Variants in CPSF2 observed in about 807,000 individuals in gnomAD.
The protein encoded by CPSF2 is cleavage and polyadenylation specific factor 2, also known as cleavage and polyadenylation specificity factor subunit 2.
Under a neutral mutation model 84.2 loss-of-function variants are expected in CPSF2, and 51 were observed. That is an observed-to-expected ratio of 0.61 (90% CI 0.48 to 0.77). The LOEUF (loss-of-function observed/expected upper bound fraction) is 0.77, where lower values mean the gene tolerates loss of function less well. Ranked by LOEUF, CPSF2 falls within the 30% of genes least tolerant of loss-of-function variation. The pLI, the probability that CPSF2 is intolerant of heterozygous loss-of-function variation, is 0.00. For synonymous variants in CPSF2, 286 were observed against 311.9 expected, an observed-to-expected ratio of 0.92 and a Z score of 0.87; for missense variants, 641 against 929.4, an observed-to-expected ratio of 0.69 and a Z score of 4.03.
chr14:92,170,087 G>C lies in CPSF2; in HGVS notation c.*8343G>C, dbSNP rs917537676. Reference sequence around the variant, plus strand: ...TTGAGGCTTCAGTGAGCTAATGATCGCGCCACTGCACTCCAGCCTGGGTGA... The same window carrying C: ...TTGAGGCTTCAGTGAGCTAATGATCCCGCCACTGCACTCCAGCCTGGGTGA... On this transcript the variant is annotated 3_prime_UTR_variant, in exon 16 of 16. Coordinates refer to ENST00000298875, the MANE Select transcript of CPSF2 (RefSeq NM_017437.3). 1 of 152,056 alleles carries C rather than the reference G, an allele frequency of 6.6e-6. No individual in the cohort carries two copies. The highest frequency in any genetic ancestry group is 2.4e-5 in the African/African-American group (1 of 41,416). The allele number at this position is 152,056 out of a possible 1,614,324, so 9.4% of individuals were successfully genotyped here.
chr14:92,136,816 G>A (rs955327770), intron 6 of CPSF2, among the ~76,000 whole-genome samples: 1 of 152,010 alleles, frequency 6.6e-6, no homozygotes, highest in Non-Finnish European at 1.5e-5. Context: ...CAACCATTTT[G>A]GAAAAAAATC....
chr14:92,128,811 T>C (rs1011690437), intron 2 of CPSF2, among the ~76,000 whole-genome samples: 1 of 152,136 alleles, frequency 6.6e-6, no homozygotes, highest in African/African-American at 2.4e-5. Context: ...ATTTTGAAAG[T>C]AGAACAGTTA....
rs538841154 is a variant in CPSF2, at chr14:92,165,433, A to T, written c.*3689A>T. 12 of 152,246 alleles carry T rather than the reference A, an allele frequency of 7.9e-5. No homozygotes were observed. The highest frequency in any genetic ancestry group is 2.9e-4 in the African/African-American group (12 of 41,566). The allele number at this position is 152,246 out of a possible 1,614,324, so 9.4% of individuals were successfully genotyped here. ...GTTCCATTTTCTCCTCATTCTTGAC[A>T]ACATTTATTACTCCCTTTTTAAATT... On this transcript the variant is annotated 3_prime_UTR_variant, in exon 16 of 16. Coordinates refer to ENST00000298875, the MANE Select transcript of CPSF2 (RefSeq NM_017437.3).
At chr14:92,131,645 C>T (rs2068932592) in intron 3 of CPSF2, among the ~76,000 whole-genome samples, 1 of 152,020 alleles carries the variant, frequency 6.6e-6, no homozygotes, top group Admixed American at 6.6e-5. Flanking sequence ...TCGAGACCAG[C>T]CTGGCCAACA....
At position 92,170,475 on chromosome 14, in the gene CPSF2, C is replaced by T. The variant is rs952585689; in HGVS notation, c.*8731C>T. The T allele has an allele frequency of 6.6e-6, 1 of 152,196 alleles. No individual in the cohort carries two copies. Among genetic ancestry groups the T allele is most frequent in the East Asian group, 1.9e-4 (1 of 5,200 alleles). The allele number at this position is 152,196 out of a possible 1,614,324, so 9.4% of individuals were successfully genotyped here. ...GGAAACCAGCATTGATAAAATTCTACCATTTGATCCACGAACCCCATTCAA... is the reference window on the plus strand; with the variant it reads ...GGAAACCAGCATTGATAAAATTCTATCATTTGATCCACGAACCCCATTCAA... On this transcript the variant is annotated 3_prime_UTR_variant, in exon 16 of 16. Transcript: ENST00000298875.
At chr14:92,144,183 T>C (rs1479368265) in intron 9 of CPSF2, among the ~76,000 whole-genome samples, 2 of 152,232 alleles carry the variant, frequency 1.3e-5, no homozygotes, top group Non-Finnish European at 2.9e-5. Context: ...TCATTCATCA[T>C]TTGACCCTGA....
intron 9 of CPSF2, among the ~76,000 whole-genome samples, chr14:92,153,064 A>C (rs1011115313): frequency 6.7e-6 from 1 of 150,302 alleles, no homozygotes; most frequent in Non-Finnish European, 1.5e-5. Flanking sequence ...TCAAATGTCA[A>C]ATTTTATTTT....
In CPSF2 at chr14:92,130,960, G is replaced by T; in HGVS notation, c.-25G>T. The T allele has an allele frequency of 5.0e-6, 8 of 1,602,322 alleles. No individual in the cohort carries two copies. The highest frequency in any genetic ancestry group is 3.3e-4 in the Middle Eastern group (2 of 6,030). ...TCATTTCATTTGAAAGACTCTTCTA[G>T]CTTGCTGTTTCTGGACCAAAAAAAA... On this transcript the variant is annotated 5_prime_UTR_variant, in exon 3 of 16. Transcript: ENST00000298875.
intron 9 of CPSF2, among the ~76,000 whole-genome samples, chr14:92,152,237 C>G (rs139202642): frequency 2.6e-5 from 4 of 152,154 alleles, no homozygotes; most frequent in African/African-American, 9.6e-5. Context: ...TCAAGTGATT[C>G]TCCTGCCTCA....
At chr14:92,150,306 G>A (rs2069197725) in intron 9 of CPSF2, among the ~76,000 whole-genome samples, 1 of 151,714 alleles carries the variant, frequency 6.6e-6, no homozygotes, top group African/African-American at 2.4e-5. Context: ...ATTTTTAGTA[G>A]AGATGGGGTT....
At chr14:92,138,103 G>A in intron 6 of CPSF2, 129 bp from the exon 7 acceptor site, 1 of 443,088 alleles carries the variant, frequency 2.3e-6, no homozygotes, top group Non-Finnish European at 4.1e-6. Context: ...TTATCAATGA[G>A]CATGTCTACT....
chr14:92,139,863 A>G (rs2069051856), intron 7 of CPSF2, among the ~76,000 whole-genome samples: 1 of 151,580 alleles, frequency 6.6e-6, no homozygotes, highest in Admixed American at 6.6e-5. Flanking sequence ...AATAAGCTAT[A>G]AGGGATTTCA....
chr14:92,154,674 G>T (rs1361324092), intron 10 of CPSF2, among the ~76,000 whole-genome samples: 3 of 152,180 alleles, frequency 2.0e-5, no homozygotes, highest in African/African-American at 7.2e-5. Context: ...CAATAAAGTT[G>T]AATGTTATTC....
Position 92,161,727 on chromosome 14 carries a change from C to G in CPSF2, c.2332C>G (p.Gln778Glu). ...FYRIRDLLYE[Q>E]YAIV is the part of the protein sequence containing the mutation. ...TAGGATAAGAGACCTTTTATATGAACAATATGCCATTGTATAAAGGACATG... is the reference window on the plus strand; with the variant it reads ...TAGGATAAGAGACCTTTTATATGAAGAATATGCCATTGTATAAAGGACATG... The change falls in exon 16 of 16, where the codon CAA (glutamine) becomes GAA (glutamate). Residue 778 changes from glutamine (Q) to glutamate (E), a missense_variant. Gln to Glu is a conservative substitution (Grantham distance 29, BLOSUM62 2). Transcript: ENST00000298875. The G allele has an allele frequency of 6.3e-7, 1 of 1,577,704 alleles. No homozygotes were observed. Among genetic ancestry groups the G allele is most frequent in the Non-Finnish European group, 8.6e-7 (1 of 1,160,592 alleles).
At chr14:92,155,576 A>G (rs2069278495) in intron 11 of CPSF2, among the ~76,000 whole-genome samples, 3 of 152,216 alleles carry the variant, frequency 2.0e-5, no homozygotes, top group Admixed American at 2.0e-4. Context: ...GTTTAAAAAC[A>G]TGATCACGTG....
intron 9 of CPSF2, among the ~76,000 whole-genome samples, chr14:92,147,278 G>T (rs1406411862): frequency 6.6e-6 from 1 of 152,066 alleles, no homozygotes; most frequent in Non-Finnish European, 1.5e-5. Context: ...TACCAAGTAT[G>T]GTATTTTTTC....
chr14:92,147,770 C>T (rs1000218911), intron 9 of CPSF2, among the ~76,000 whole-genome samples: 2 of 152,140 alleles, frequency 1.3e-5, no homozygotes, highest in African/African-American at 4.8e-5. Context: ...GTCACCCAGG[C>T]TGGAGTGCAG....
intron 10 of CPSF2, among the ~76,000 whole-genome samples, chr14:92,154,731 G>A (rs184689475): frequency 2.6e-5 from 4 of 152,268 alleles, no homozygotes; most frequent in East Asian, 1.9e-4. Flanking sequence ...GAAAAGTGTC[G>A]TTAGGGGATT....
At position 92,170,630 on chromosome 14, in the gene CPSF2, G is replaced by T. The variant is rs2069506119; in HGVS notation, c.*8886G>T. The T allele has an allele frequency of 2.0e-5, 3 of 152,164 alleles. No individual in the cohort carries two copies. The highest frequency in any genetic ancestry group is 6.6e-5 in the Admixed American group (1 of 15,266). The allele number at this position is 152,164 out of a possible 1,614,324, so 9.4% of individuals were successfully genotyped here. On this transcript the variant is annotated 3_prime_UTR_variant, in exon 16 of 16. Transcript: ENST00000298875. ...CTTCCTCAATCTGGAGCGGTTCCTTGGTTTTTCCTTTTTTGTGACCTTGAC... is the reference window on the plus strand; with the variant it reads ...CTTCCTCAATCTGGAGCGGTTCCTTTGTTTTTCCTTTTTTGTGACCTTGAC...
Sources: allele counts gnomAD v4.1 joint callset (sites outside exome capture counted in the v4.1 genomes callset), GRCh38; gene constraint gnomAD v4.1.1; transcripts MANE v1.5; gene names NCBI Gene and HGNC (gene_info 2026-07-23, HGNC 2026-07-21).